Variants in OLFM1 observed in about 807,000 individuals in gnomAD.
OLFM1 encodes the protein noelin.
OLFM1 carries 9 observed loss-of-function variants against 49.7 expected under a neutral mutation model. The ratio of observed to expected loss-of-function variants is 0.18; its 90% CI spans 0.11 to 0.32. OLFM1 has a LOEUF of 0.32. OLFM1 is among the 10% of genes least tolerant of loss of function. The pLI is 1.00. For missense variants in OLFM1, 369 were observed against 661.8 expected (o/e 0.56, Z 4.85); for synonymous variants, 240 against 271.8 (o/e 0.88, Z 1.15).
At position 135,118,487 on chromosome 9, in the gene OLFM1, A is replaced by ATTGGGTCTTTGGAGTGCTCG. The variant is rs1831129925; in HGVS notation, c.784-1017_784-1016insTTGGGTCTTTGGAGTGCTCG. Among the ~76,000 whole-genome samples the ATTGGGTCTTTGGAGTGCTCG allele has an allele frequency of 7.2e-5, 8 of 111,516 alleles. No individual in the cohort carries two copies. In the South Asian group the frequency reaches 2.2e-3, roughly 30 times the overall value. 73.2% of individuals were successfully genotyped at this position (111,516 alleles called of 152,430 possible). A position where few individuals can be genotyped will look rare whatever the true frequency, so the allele number is the denominator to read the frequency against. On this transcript the variant is annotated intron_variant, in intron 5 of 5. Transcript: ENST00000371793. ...TGCTTACTGGGTCTTTGGAGTGCTCACTGGGTCTTTGGAGTGCTCGCTGGG... is the reference window on the plus strand; with the variant it reads ...TGCTTACTGGGTCTTTGGAGTGCTCATTGGGTCTTTGGAGTGCTCGCTGGGTCTTTGGAGTGCTCGCTGGG...
At chr9:135,091,643 ACT>A (rs1359264399) in intron 2 of OLFM1, among the ~76,000 whole-genome samples, 16 of 73,856 alleles carry the variant, frequency 2.2e-4, no homozygotes, top group East Asian at 6.9e-4. Flanking sequence ...AGTCACACAC[ACT>A]CACATAGTCA....
Position 135,088,632 on chromosome 9 carries a change from A to G in OLFM1, c.150+493A>G, listed in dbSNP as rs1564268891. On this transcript the variant is annotated intron_variant, in intron 1 of 5. Transcript: ENST00000371793. This position sits in a 1 kb window ranked among gnomAD's most constrained non-coding sequence, Gnocchi z 4.8. ...GCCAGACTGGCCGGACCGGGCTGGG[A>G]GTGGGGCCCCAGCCGGTGGGCTCCG... Among the ~76,000 whole-genome samples the G allele has an allele frequency of 6.6e-6, 1 of 151,590 alleles. No homozygotes were observed.
rs746521297 is a variant in OLFM1, at chr9:135,106,734, C to T, written c.677-15C>T. The T allele has an allele frequency of 1.3e-5, 21 of 1,609,982 alleles. No individual in the cohort carries two copies. The highest frequency in any genetic ancestry group is 2.2e-5 in the South Asian group (2 of 90,612). On this transcript the variant is annotated splice_polypyrimidine_tract_variant and intron_variant, in intron 4 of 5. Transcript: ENST00000371793. ...CCCCCGCCCTCCCTCTCCTGACCTG[C>T]GTGCTCTTTTCCAGCTTGCGGGAAG...
upstream of OLFM1, among the ~76,000 whole-genome samples, chr9:135,086,318 C>T (rs1052540568): frequency 6.6e-6 from 1 of 152,220 alleles, no homozygotes; most frequent in Admixed American, 6.5e-5. Context: ...ATCAGAAAAG[C>T]AGATCTGAGG....
At position 135,080,166 on chromosome 9, in the gene OLFM1, A is replaced by G. The variant is rs1830514651; in HGVS notation, c.96+4364A>G. On this transcript the variant is annotated intron_variant, in intron 1 of 5. Transcript: ENST00000252854. The surrounding 1 kb of genome is among the most constrained non-coding windows in gnomAD (Gnocchi z 4.5). ...CACTTCACTGCCCTGAGCAAATCCAACAAGTAGAAACGGCTAAACACTTTT... is the reference window on the plus strand; with the variant it reads ...CACTTCACTGCCCTGAGCAAATCCAGCAAGTAGAAACGGCTAAACACTTTT... 6.6e-6 allele frequency among the ~76,000 whole-genome samples: 1 copy of G among 151,806 alleles called. No individual in the cohort carries two copies. Among genetic ancestry groups the G allele is most frequent in the African/African-American group, 2.4e-5 (1 of 41,288 alleles).
intron 4 of OLFM1, among the ~76,000 whole-genome samples, chr9:135,102,979 C>T (rs2119124580): frequency 6.6e-6 from 1 of 152,330 alleles, no homozygotes; most frequent in South Asian, 2.1e-4. Context: ...TAGCAAGAGG[C>T]AGATTGTCTC....
At chr9:135,076,571 A>C in intron 1 of OLFM1, 1 of 1,086,742 alleles carries the variant, frequency 9.2e-7, no homozygotes. Flanking sequence ...TGAGCGCCGA[A>C]CTGGGAGGGT....
At chr9:135,104,700 AG>A (rs1014192754) in intron 4 of OLFM1, among the ~76,000 whole-genome samples, 4 of 152,166 alleles carry the variant, frequency 2.6e-5, no homozygotes, top group Non-Finnish European at 5.9e-5. Context: ...GGGGCTGTGA[AG>A]GGCTTCTCCC....
Position 135,087,720 on chromosome 9 carries a change from C to A in OLFM1, c.-270C>A. 2.5e-6 allele frequency: 1 copy of A among 393,144 alleles called. No individual in the cohort carries two copies. Among genetic ancestry groups the A allele is most frequent in the South Asian group, 9.9e-5 (1 of 10,102 alleles). 24.4% of individuals were successfully genotyped at this position (393,144 alleles called of 1,614,324 possible). On this transcript the variant is annotated 5_prime_UTR_variant, in exon 1 of 6. Transcript: ENST00000371793. ...GCGGAGGAGCCCGGAGGGACGCAGC[C>A]GGGCAAGGCAGGGCGCAGGGCGGGC...
chr9:135,087,857 C>CGGG lies in OLFM1; in HGVS notation c.-131_-130insGGG. The CGGG allele has an allele frequency of 1.0e-6, 1 of 955,214 alleles. No homozygotes were observed. Among genetic ancestry groups the CGGG allele is most frequent in the Non-Finnish European group, 1.2e-6 (1 of 805,848 alleles). The allele number at this position is 955,214 out of a possible 1,614,324, so 59.2% of individuals were successfully genotyped here. On this transcript the variant is annotated 5_prime_UTR_variant, in exon 1 of 6. Coordinates refer to ENST00000371793, the MANE Select transcript of OLFM1 (RefSeq NM_001282611.2). ...CGGGGCGGCGGCGGCGGCGGGCGGG[C>CGGG]GGCGGCGGGCCGAGGGGGCGCGGGG...
chr9:135,107,642 C>T (rs10745396), intron 5 of OLFM1, among the ~76,000 whole-genome samples: 1 of 152,138 alleles, frequency 6.6e-6, no homozygotes, highest in East Asian at 1.9e-4. Flanking sequence ...CTTCGCTGTC[C>T]CTTGATTTGC....
chr9:135,077,211 AGG>A (rs1288380040), intron 1 of OLFM1: 1 of 1,520,730 alleles, frequency 6.6e-7, no homozygotes, highest in Admixed American at 2.1e-5. Context: ...AGAGCCAACC[AGG>A]TCCTGATTAG....
At chr9:135,101,172 G>A (rs923969043) in intron 4 of OLFM1, among the ~76,000 whole-genome samples, 4 of 152,280 alleles carry the variant, frequency 2.6e-5, no homozygotes, top group East Asian at 1.9e-4. Context: ...AGGTGGAGCC[G>A]GCACCCGCTG....
chr9:135,107,521 C>A (rs1000246322), intron 5 of OLFM1, among the ~76,000 whole-genome samples: 2 of 152,090 alleles, frequency 1.3e-5, no homozygotes, highest in Non-Finnish European at 2.9e-5. Flanking sequence ...GGCCCGGCCT[C>A]GCTCGGCCCC....
At chr9:135,103,158 C>T (rs1303633276) in intron 4 of OLFM1, among the ~76,000 whole-genome samples, 1 of 152,202 alleles carries the variant, frequency 6.6e-6, no homozygotes, top group African/African-American at 2.4e-5. Context: ...TCCTGAGCCT[C>T]CAACAGTGCA....
intron 3 of OLFM1, chr9:135,097,731 G>T (rs375203228): frequency 6.9e-7 from 1 of 1,457,290 alleles, no homozygotes; most frequent in Non-Finnish European, 9.6e-7. Context: ...TCTGTTTCAG[G>T]CAGGCTAGTG....
rs949824515 is a variant in OLFM1 at position 135,120,058 on chromosome 9, C to T, written c.1338C>T (p.Tyr446=). 1 of 1,614,106 alleles carries T rather than the reference C, an allele frequency of 6.2e-7. No individual in the cohort carries two copies. The highest frequency in any genetic ancestry group is 8.5e-7 in the Non-Finnish European group (1 of 1,180,042). ...TCGACATCCCATTCCAGAACAAATA[C>T]TCCCACATCTCCATGCTGGACTACA... is the stretch of plus-strand genomic sequence containing the variant. ...EYIDIPFQNK[Y]SHISMLDYNP... Residue 446 remains tyrosine, a synonymous_variant, in exon 6 of 6, where the codon TAC becomes TAT. Coordinates refer to ENST00000371793, the MANE Select transcript of OLFM1 (RefSeq NM_001282611.2).
chr9:135,111,393 C>T (rs1831020710), intron 5 of OLFM1, among the ~76,000 whole-genome samples: 2 of 152,188 alleles, frequency 1.3e-5, no homozygotes, highest in African/African-American at 4.8e-5. Context: ...CGTCTGGCCG[C>T]AGGCTCTCAG....
At chr9:135,090,672 G>A (rs1200401376) in intron 2 of OLFM1, among the ~76,000 whole-genome samples, 1 of 152,138 alleles carries the variant, frequency 6.6e-6, no homozygotes, top group Non-Finnish European at 1.5e-5. Context: ...GAAGTCACAT[G>A]GGCATGGTGA....
Sources: gnomAD v4.1 joint callset for allele counts (sites outside exome capture counted in the v4.1 genomes callset) on GRCh38, gnomAD v4.1.1 for gene constraint, Gnocchi (gnomAD v3.1) non-coding constraint, MANE v1.5 for transcripts, NCBI Gene and HGNC (gene_info 2026-07-23, HGNC 2026-07-21) for gene names.